Variants in SLIT1 observed in about 807,000 individuals in gnomAD.
The protein encoded by SLIT1 is slit guidance ligand 1.
Under a neutral mutation model 186.1 loss-of-function variants are expected in SLIT1, and 66 were observed. The ratio of observed to expected loss-of-function variants is 0.35; its 90% CI spans 0.29 to 0.44. SLIT1 has a LOEUF of 0.44. Among genes scored for constraint, SLIT1 ranks in the 20% least tolerant of loss-of-function variants. SLIT1 has a pLI of 1.00. For synonymous variants in SLIT1, 761 were observed against 833.8 expected (o/e 0.91, Z 1.50); for missense variants, 1,638 against 2,037.4 (o/e 0.80, Z 3.77).
At chr10:97,062,866 AG>A in intron 8 of SLIT1, among the ~76,000 whole-genome samples, 1 of 152,210 alleles carries the variant, frequency 6.6e-6, no homozygotes, top group Non-Finnish European at 1.5e-5. Context: ...AGTATAAGCC[AG>A]GGGCCAGGGA....
At chr10:97,073,052 C>A (rs1433491045) in intron 4 of SLIT1, among the ~76,000 whole-genome samples, 2 of 152,364 alleles carry the variant, frequency 1.3e-5, no homozygotes, top group South Asian at 4.1e-4. Context: ...AGAAGCCTTC[C>A]CTGGACCTGG....
chr10:97,064,759 A>C, intron 6 of SLIT1, 46 bp downstream of exon 6: 2 of 1,460,110 alleles, frequency 1.4e-6, no homozygotes, highest in Non-Finnish European at 1.9e-6. Flanking sequence ...GCACCTGCCT[A>C]GCAGGGCCCT....
intron 1 of SLIT1, among the ~76,000 whole-genome samples, chr10:97,181,788 T>G (rs1850341881): frequency 6.6e-6 from 1 of 152,130 alleles, no homozygotes; most frequent in South Asian, 2.1e-4. Context: ...CCCTCCATCC[T>G]CGGACAACTT....
intron 4 of SLIT1, among the ~76,000 whole-genome samples, chr10:97,076,254 G>A (rs1589383285): frequency 6.6e-6 from 1 of 152,186 alleles, no homozygotes; most frequent in African/African-American, 2.4e-5. Flanking sequence ...AGGAGGTCAG[G>A]AGTCCCAGCC....
rs1564680643 is a variant in SLIT1, at chr10:97,119,919, A to ATATATATG, written c.413+37898_413+37899insCATATATA. On this transcript the variant is annotated intron_variant, in intron 4 of 36. Coordinates refer to ENST00000266058, the MANE Select transcript of SLIT1 (RefSeq NM_003061.3). The stretch of plus-strand genomic sequence containing the variant: ...ATATTTTTTTTCCAAAGGGGTATAT[A>ATATATATG]TATATATATATATATATATATATAT... Among the ~76,000 whole-genome samples, 2 of 113,926 alleles carry ATATATATG rather than the reference A, an allele frequency of 1.8e-5. 1 individual carries two copies. Among genetic ancestry groups the ATATATATG allele is most frequent in the Non-Finnish European group, 3.8e-5 (2 of 52,804 alleles). The allele number at this position is 113,926 out of a possible 152,430, so 74.7% of individuals were successfully genotyped here.
At position 97,001,333 on chromosome 10, in the gene SLIT1, C is replaced by T. The variant is rs577993323; in HGVS notation, c.4384G>A (p.Asp1462Asn). The change falls in exon 37 of 37, where the codon GAC becomes AAC. Residue 1462 changes from aspartate (D) to asparagine (N), a missense_variant. Asp to Asn is a conservative substitution (Grantham distance 23). Coordinates refer to ENST00000266058, the MANE Select transcript of SLIT1 (RefSeq NM_003061.3). ...ACCTGGTGAAAGTCCCGGACAGGGT[C>T]CCCCCGGCACTCGGACTCTGGATGG... Reference protein sequence around the residue: ...LCEQESECRGDPVRDFHQVQR... With the variant: ...LCEQESECRGNPVRDFHQVQR... 18 of 1,611,552 alleles carry T rather than the reference C, an allele frequency of 1.1e-5. No homozygotes were observed. Among genetic ancestry groups the T allele is most frequent in the African/African-American group, 9.3e-5 (7 of 75,008 alleles).
intron 18 of SLIT1, among the ~76,000 whole-genome samples, chr10:97,046,063 G>A (rs1405225771): frequency 2.6e-5 from 4 of 152,140 alleles, no homozygotes; most frequent in Non-Finnish European, 4.4e-5. Flanking sequence ...TGGGAGATCC[G>A]ACAGACTGCC....
At chr10:97,055,554 G>A (rs182799872) in intron 13 of SLIT1, among the ~76,000 whole-genome samples, 23 of 152,070 alleles carry the variant, frequency 1.5e-4, no homozygotes, top group Admixed American at 7.2e-4. Context: ...TTCTTGTGGA[G>A]ATGGGGTGCC....
At chr10:97,177,033 C>T (rs115253069) in intron 1 of SLIT1, among the ~76,000 whole-genome samples, 3,581 of 152,272 alleles carry the variant, frequency 0.024, 152 homozygotes, top group African/African-American at 0.081. Flanking sequence ...TCACCGGAAT[C>T]GCCTTGCTGA....
chr10:97,132,499 T>C lies in SLIT1; in HGVS notation c.413+25319A>G, dbSNP rs549517692. Among the ~76,000 whole-genome samples, 9 of 152,298 alleles carry C rather than the reference T, an allele frequency of 5.9e-5. No individual in the cohort carries two copies. In the East Asian group the frequency reaches 1.5e-3, roughly 26 times the overall value. Reference sequence around the variant, plus strand: ...CCACAGTCCAATGGCCAAGACCTGGTACCCAAGTTGTCCAGCTGATTGCCA... The same window carrying C: ...CCACAGTCCAATGGCCAAGACCTGGCACCCAAGTTGTCCAGCTGATTGCCA... On this transcript the variant is annotated intron_variant, in intron 4 of 36. Transcript: ENST00000266058.
intron 4 of SLIT1, among the ~76,000 whole-genome samples, chr10:97,091,958 G>A (rs943760173): frequency 6.6e-6 from 1 of 152,248 alleles, no homozygotes; most frequent in African/African-American, 2.4e-5. Context: ...CACTAGTAAA[G>A]GACAAAGGGC....
At chr10:97,170,120 C>T (rs561928888) in intron 1 of SLIT1, among the ~76,000 whole-genome samples, 2 of 152,328 alleles carry the variant, frequency 1.3e-5, no homozygotes, top group East Asian at 1.9e-4. Context: ...ACAATATCGG[C>T]GGCTCCCCCG....
chr10:97,044,338 G>A (rs1848716911), intron 18 of SLIT1, among the ~76,000 whole-genome samples: 1 of 152,152 alleles, frequency 6.6e-6, no homozygotes, highest in South Asian at 2.1e-4. Context: ...CAAGGTTACA[G>A]TAAGCTATGA....
At position 97,014,121 on chromosome 10, in the gene SLIT1, C is replaced by T; in HGVS notation, c.3007G>A (p.Gly1003Arg). Residue 1003 changes from glycine to arginine, a missense_variant, in exon 29 of 37, where the codon GGG becomes AGG. By Grantham distance (125) the Gly-to-Arg change is moderately radical (BLOSUM62 -2). Around this residue, in one of 3 missense-constraint regions of SLIT1, gnomAD observed 1,245 missense variants for 1,535.3 expected, o/e 0.81. Coordinates refer to ENST00000266058, the MANE Select transcript of SLIT1 (RefSeq NM_003061.3). ...CPTGFEGPTC[G>R]VNTDDCVDHA... ...TCCACACAGTCATCTGTGTTCACCC[C>T]ACAGGTTGGTCCTTCAAAGCCGGTG... The T allele has an allele frequency of 6.2e-7, 1 of 1,614,086 alleles. No homozygotes were observed. Among genetic ancestry groups the T allele is most frequent in the East Asian group, 2.2e-5 (1 of 44,878 alleles).
chr10:97,097,144 C>T lies in SLIT1; in HGVS notation c.414-31058G>A, dbSNP rs191449076. On this transcript the variant is annotated intron_variant, in intron 4 of 36. Coordinates refer to ENST00000266058, the MANE Select transcript of SLIT1 (RefSeq NM_003061.3). ...CCAGGCTCCCACCCAAGCGCCTCCACGTCCTGCACACACACTCCTGCGTCT... is the reference window on the plus strand; with the variant it reads ...CCAGGCTCCCACCCAAGCGCCTCCATGTCCTGCACACACACTCCTGCGTCT... Among the ~76,000 whole-genome samples, 75 of 152,320 alleles carry T rather than the reference C, an allele frequency of 4.9e-4. 1 individual carries two copies. The highest frequency in any genetic ancestry group is 1.5e-3 in the African/African-American group (63 of 41,566).
Position 97,019,027 on chromosome 10 carries a change from C to T in SLIT1, c.2827G>A (p.Asp943Asn), listed in dbSNP as rs201572133. The T allele has an allele frequency of 1.3e-5, 21 of 1,613,808 alleles. No homozygotes were observed. Among genetic ancestry groups the T allele is most frequent in the Admixed American group, 1.2e-4 (7 of 60,006 alleles). Residue 943 changes from aspartate (D) to asparagine (N), a missense_variant, in exon 27 of 37, where the codon GAC becomes AAC. Coordinates refer to ENST00000266058, the MANE Select transcript of SLIT1 (RefSeq NM_003061.3). ...GCGCACCTGTACACCTCAAGGGGGT[C>T]GTTGTGGCAGGTGCCCTGGTTCTGG... is the stretch of plus-strand genomic sequence containing the variant. Reference protein sequence around the residue: ...PCQNQGTCHNDPLEVYRCACP... With the variant: ...PCQNQGTCHNNPLEVYRCACP...
In SLIT1 at chr10:97,099,146, C is replaced by T. The variant is rs1391020007; in HGVS notation, c.414-33060G>A. ...TTGGAGTGGAGGCGCGGGGGGTGTCCAGTTTGGGGGGATGCTGTGACTGCC... is the reference window on the plus strand; with the variant it reads ...TTGGAGTGGAGGCGCGGGGGGTGTCTAGTTTGGGGGGATGCTGTGACTGCC... On this transcript the variant is annotated intron_variant, in intron 4 of 36. Transcript: ENST00000266058. Among the ~76,000 whole-genome samples, 4 of 105,532 alleles carry T rather than the reference C, an allele frequency of 3.8e-5. No homozygotes were observed. The Admixed American group carries it at 3.8e-4, about 10-fold the overall frequency. The allele number at this position is 105,532 out of a possible 152,430, so 69.2% of individuals were successfully genotyped here. A position where few individuals can be genotyped will look rare whatever the true frequency, so the allele number is the denominator to read the frequency against.
At chr10:97,181,114 C>T (rs570250527) in intron 1 of SLIT1, among the ~76,000 whole-genome samples, 24 of 152,164 alleles carry the variant, frequency 1.6e-4, no homozygotes, top group African/African-American at 4.6e-4. Context: ...GGGAGAGGCA[C>T]GGCACGGGGG....
chr10:97,125,665 C>G (rs1271907286), intron 4 of SLIT1, among the ~76,000 whole-genome samples: 1 of 151,874 alleles, frequency 6.6e-6, no homozygotes, highest in East Asian at 1.9e-4. Flanking sequence ...ATAGCGAAAC[C>G]CTGTCTCTAC....
Sources: allele counts gnomAD v4.1 joint callset (sites outside exome capture counted in the v4.1 genomes callset), GRCh38; gene constraint gnomAD v4.1.1; regional missense constraint gnomAD v4.1.1; transcripts MANE v1.5; gene names NCBI Gene and HGNC (gene_info 2026-07-23, HGNC 2026-07-21).